HCN1: variants seen among roughly 807,000 people sequenced by gnomAD.
HCN1 encodes the protein hyperpolarization activated cyclic nucleotide gated potassium channel 1, also known as potassium/sodium hyperpolarization-activated cyclic nucleotide-gated channel 1.
Under a neutral mutation model 78.9 loss-of-function variants are expected in HCN1, and 13 were observed. The ratio of observed to expected loss-of-function variants is 0.16; its 90% CI spans 0.11 to 0.26. The LOEUF is 0.26. HCN1 is among the 10% of genes least tolerant of loss of function. The probability of loss-of-function intolerance (pLI) is 1.00; values close to 1 mark genes in which losing one functional copy is unlikely to be tolerated. For missense variants in HCN1, 810 were observed against 1,154.3 expected, an observed-to-expected ratio of 0.70 and a Z score of 4.32; for synonymous variants, 552 against 455.5, an observed-to-expected ratio of 1.21 and a Z score of -2.70.
At chr5:45,466,186 T>C (rs1308470861) in intron 2 of HCN1, among the ~76,000 whole-genome samples, 2 of 152,182 alleles carry the variant, frequency 1.3e-5, no homozygotes. Flanking sequence ...GGCTTAATTC[T>C]TTTAAAATGC....
rs1204826149 is a variant in HCN1, at chr5:45,304,393, A to G, written c.1378-554T>C. 2.0e-5 allele frequency among the ~76,000 whole-genome samples: 3 copies of G among 152,120 alleles called. No homozygotes were observed. In the East Asian group the frequency reaches 5.8e-4, roughly 30 times the overall value. Reference sequence around the variant, plus strand: ...AGGAAACTCTAATCTAAAAGTATAAATTCATCAGGTGCAGTGGCTCATGGC... The same window carrying G: ...AGGAAACTCTAATCTAAAAGTATAAGTTCATCAGGTGCAGTGGCTCATGGC... On this transcript the variant is annotated intron_variant, in intron 5 of 7. Coordinates refer to ENST00000303230, the MANE Select transcript of HCN1 (RefSeq NM_021072.4).
At chr5:45,457,878 G>A (rs1189431349) in intron 3 of HCN1, among the ~76,000 whole-genome samples, 1 of 152,108 alleles carries the variant, frequency 6.6e-6, no homozygotes, top group African/African-American at 2.4e-5. Context: ...TGCTCTTTAT[G>A]TAATCACCTC....
chr5:45,689,970 G>A (rs1028667491), intron 1 of HCN1, among the ~76,000 whole-genome samples: 14 of 152,194 alleles, frequency 9.2e-5, no homozygotes, highest in Non-Finnish European at 1.5e-4. Flanking sequence ...ACTGGAGGCA[G>A]TATTAATTGG....
intron 4 of HCN1, among the ~76,000 whole-genome samples, chr5:45,368,779 C>A (rs1747287496): frequency 6.6e-6 from 1 of 151,910 alleles, no homozygotes; most frequent in South Asian, 2.1e-4. Context: ...TTTTGTTTTG[C>A]CATATTTTTT....
intron 2 of HCN1, among the ~76,000 whole-genome samples, chr5:45,602,888 A>G (rs1020044310): frequency 1.3e-5 from 2 of 152,072 alleles, no homozygotes; most frequent in African/African-American, 2.4e-5. Context: ...CGTGTGCTTA[A>G]GCTCATTATT....
intron 2 of HCN1, among the ~76,000 whole-genome samples, chr5:45,606,138 T>G (rs1287775401): frequency 6.6e-6 from 1 of 152,042 alleles, no homozygotes; most frequent in African/African-American, 2.4e-5. Flanking sequence ...TTATACTACT[T>G]AAGCAACCAT....
intron 3 of HCN1, among the ~76,000 whole-genome samples, chr5:45,429,879 G>T (rs1379774669): frequency 6.6e-6 from 1 of 152,046 alleles, no homozygotes; most frequent in Non-Finnish European, 1.5e-5. Flanking sequence ...ATTTTCATGG[G>T]GCATAGGGGA....
chr5:45,296,679 G>T (rs1745500642), intron 6 of HCN1, among the ~76,000 whole-genome samples: 1 of 151,664 alleles, frequency 6.6e-6, no homozygotes, highest in Admixed American at 6.6e-5. Context: ...GTAGCTCTTG[G>T]AAAATATATT....
rs570906813 is a variant in HCN1 at position 45,381,995 on chromosome 5, G to A, written c.1230+14497C>T. ...TCCTACTGTCCAGCCATTGTCCTCCGCACTGACTCTGTTCCTACATCACTG... is the reference window on the plus strand; with the variant it reads ...TCCTACTGTCCAGCCATTGTCCTCCACACTGACTCTGTTCCTACATCACTG... On this transcript the variant is annotated intron_variant, in intron 4 of 7. Transcript: ENST00000303230. Among the ~76,000 whole-genome samples the A allele has an allele frequency of 2.3e-4, 35 of 152,188 alleles. No individual in the cohort carries two copies. The South Asian group carries it at 5.2e-3, about 23-fold the overall frequency.
chr5:45,465,275 A>C (rs913688786), intron 2 of HCN1, among the ~76,000 whole-genome samples: 1 of 152,138 alleles, frequency 6.6e-6, no homozygotes, highest in East Asian at 1.9e-4. Flanking sequence ...AAAAAATCAA[A>C]AACTTCACTA....
chr5:45,355,070 T>A (rs773427454), intron 4 of HCN1, among the ~76,000 whole-genome samples: 1 of 152,032 alleles, frequency 6.6e-6, no homozygotes, highest in South Asian at 2.1e-4. Context: ...TTAGGGTTGA[T>A]TGAATCTAAT....
chr5:45,338,486 T>A (rs1467380072), intron 5 of HCN1, among the ~76,000 whole-genome samples: 1 of 152,178 alleles, frequency 6.6e-6, no homozygotes, highest in African/African-American at 2.4e-5. Flanking sequence ...CACATTTTAA[T>A]ATTTTTATCT....
chr5:45,313,489 C>T lies in HCN1; in HGVS notation c.1378-9650G>A, dbSNP rs922915514. On this transcript the variant is annotated intron_variant, in intron 5 of 7. Transcript: ENST00000303230. ...CCTCCTCCAAAGGAATGCAGCTCCTCGCCAGCACCAGAACAAAGCTGGATG... is the reference window on the plus strand; with the variant it reads ...CCTCCTCCAAAGGAATGCAGCTCCTTGCCAGCACCAGAACAAAGCTGGATG... Among the ~76,000 whole-genome samples the T allele has an allele frequency of 4.6e-5, 7 of 152,180 alleles. No individual in the cohort carries two copies. In the South Asian group the frequency reaches 6.2e-4, roughly 13 times the overall value.
chr5:45,399,840 G>A (rs981067251), intron 3 of HCN1, among the ~76,000 whole-genome samples: 14 of 151,808 alleles, frequency 9.2e-5, no homozygotes, highest in East Asian at 1.9e-4. Flanking sequence ...ATGTATTTTC[G>A]CAAAAGTAAA....
chr5:45,682,056 C>G (rs1739711156), intron 1 of HCN1, among the ~76,000 whole-genome samples: 1 of 151,682 alleles, frequency 6.6e-6, no homozygotes, highest in South Asian at 2.1e-4. Context: ...GATCCCTCAC[C>G]CCTTCTACCC....
intron 1 of HCN1, among the ~76,000 whole-genome samples, chr5:45,666,452 T>C (rs1222166866): frequency 2.0e-5 from 3 of 152,008 alleles, no homozygotes; most frequent in Non-Finnish European, 2.9e-5. Flanking sequence ...TTCTGTTACA[T>C]ATAAAGAAAG....
At chr5:45,665,794 T>C (rs1320685081) in intron 1 of HCN1, among the ~76,000 whole-genome samples, 1 of 152,124 alleles carries the variant, frequency 6.6e-6, no homozygotes, top group African/African-American at 2.4e-5. Flanking sequence ...TTTATGAGAA[T>C]TAAACTGTGC....
chr5:45,498,223 C>A (rs1742093083), intron 2 of HCN1, among the ~76,000 whole-genome samples: 1 of 152,140 alleles, frequency 6.6e-6, no homozygotes, highest in African/African-American at 2.4e-5. Flanking sequence ...TCAGGTACAC[C>A]AATCAGATGT....
At chr5:45,323,101 A>C (rs1432446195) in intron 5 of HCN1, among the ~76,000 whole-genome samples, 1 of 151,850 alleles carries the variant, frequency 6.6e-6, no homozygotes. Context: ...AGACACTTGG[A>C]CAGGTGGATA....
Sources: gnomAD v4.1 joint callset for allele counts (sites outside exome capture counted in the v4.1 genomes callset) on GRCh38, gnomAD v4.1.1 for gene constraint, MANE v1.5 for transcripts, NCBI Gene and HGNC (gene_info 2026-07-23, HGNC 2026-07-21) for gene names.